MAPKBP1: variants seen among roughly 807,000 people sequenced by gnomAD.
MAPKBP1 encodes mitogen-activated protein kinase-binding protein 1.
MAPKBP1 carries 71 observed loss-of-function variants against 170.5 expected under a neutral mutation model. That is an observed-to-expected ratio of 0.42 (90% CI 0.34 to 0.51). MAPKBP1 has a LOEUF of 0.51. Among genes scored for constraint, MAPKBP1 ranks in the 20% least tolerant of loss-of-function variants. The probability of loss-of-function intolerance (pLI) is 0.06; values close to 1 mark genes in which losing one functional copy is unlikely to be tolerated. For synonymous variants in MAPKBP1, 719 were observed against 757.9 expected (o/e 0.95, Z 0.84); for missense variants, 1,598 against 1,933.0 (o/e 0.83, Z 3.25).
At chr15:41,786,777 A>AAAAAAAAAAATATATAT in intron 2 of MAPKBP1, among the ~76,000 whole-genome samples, 9 of 32,452 alleles carry the variant, frequency 2.8e-4, no homozygotes, top group Admixed American at 1.2e-3. Flanking sequence ...AAAAAAAAAA[A>AAAAAAAAAAATATATAT]ATATATATAT....
chr15:41,777,047 G>A (rs1265575996), intron 2 of MAPKBP1, among the ~76,000 whole-genome samples: 1 of 152,124 alleles, frequency 6.6e-6, no homozygotes, highest in Non-Finnish European at 1.5e-5. Context: ...AGAGGAATTA[G>A]GAAAGGCTTC....
intron 3 of MAPKBP1, 122 bp from the exon 4 acceptor site, chr15:41,810,761 G>A (rs989806856): frequency 4.5e-6 from 3 of 664,534 alleles, no homozygotes; most frequent in African/African-American, 3.6e-5. Flanking sequence ...AAACAGTGGA[G>A]CCCTTCTGAG....
At position 41,814,694 on chromosome 15, in the gene MAPKBP1, G is replaced by A; in HGVS notation, c.1125G>A (p.Lys375=). Reference sequence around the variant, plus strand: ...TGAGGGACCCCAAGAAAGTGGGCAAGGTGTACTCGGCTCTGTATCATTCTT... The same window carrying A: ...TGAGGGACCCCAAGAAAGTGGGCAAAGTGTACTCGGCTCTGTATCATTCTT... ...WDVRDPKKVG[K]VYSALYHSSC... Residue 375 remains lysine, a synonymous_variant, in exon 10 of 31, where the codon AAG becomes AAA. Coordinates refer to ENST00000457542, the MANE Select transcript of MAPKBP1 (RefSeq NM_014994.3). The A allele has an allele frequency of 6.2e-7, 1 of 1,614,242 alleles. No homozygotes were observed. Among genetic ancestry groups the A allele is most frequent in the Non-Finnish European group, 8.5e-7 (1 of 1,180,044 alleles).
intron 2 of MAPKBP1, among the ~76,000 whole-genome samples, chr15:41,780,254 C>A (rs2064162884): frequency 6.6e-6 from 1 of 152,166 alleles, no homozygotes; most frequent in African/African-American, 2.4e-5. Flanking sequence ...GAATGTCTTT[C>A]ATTTGTCACC....
At chr15:41,823,403 C>A (rs1424902135) in intron 28 of MAPKBP1, 44 bp from the exon 29 acceptor site, 1 of 1,572,656 alleles carries the variant, frequency 6.4e-7, no homozygotes, top group Non-Finnish European at 8.6e-7. Flanking sequence ...CCTGGGATGC[C>A]TTCCTCAACA....
intron 2 of MAPKBP1, among the ~76,000 whole-genome samples, chr15:41,797,340 C>T (rs1007745620): frequency 1.3e-5 from 2 of 152,192 alleles, no homozygotes; most frequent in African/African-American, 4.8e-5. Flanking sequence ...TTGAGCAGCC[C>T]TTTAGCTTAC....
chr15:41,774,924 GC>G (rs1201071289), intron 1 of MAPKBP1: 1 of 472,980 alleles, frequency 2.1e-6, no homozygotes, highest in Non-Finnish European at 3.7e-6. Flanking sequence ...ACCAACTGGG[GC>G]CCATCCCATC....
chr15:41,792,384 A>G (rs903566708), intron 2 of MAPKBP1, among the ~76,000 whole-genome samples: 4 of 152,112 alleles, frequency 2.6e-5, no homozygotes, highest in African/African-American at 9.7e-5. Context: ...TTCTGCCTCC[A>G]GTAGCCTTGC....
chr15:41,823,888 C>T lies in MAPKBP1; in HGVS notation c.4040C>T (p.Pro1347Leu). The change falls in exon 29 of 31, where the codon CCC (proline) becomes CTC (leucine). Residue 1347 changes from proline to leucine, a missense_variant. Physicochemically the swap from Pro to Leu is moderately conservative, Grantham distance 98 (BLOSUM62 -3). Around this residue, in one of 6 missense-constraint regions of MAPKBP1, gnomAD observed 942 missense variants for 953.2 expected, o/e 0.99. Transcript: ENST00000457542. ...RWACLGEGTT[P>L]KPRTECQAHP... ...GCCTGTTTGGGGGAGGGCACCACTC[C>T]CAAGCCTAGGACAGAGTGCCAGGCT... The T allele has an allele frequency of 6.2e-7, 1 of 1,614,198 alleles. No individual in the cohort carries two copies.
At chr15:41,777,092 C>T (rs996914165) in intron 2 of MAPKBP1, among the ~76,000 whole-genome samples, 2 of 152,092 alleles carry the variant, frequency 1.3e-5, no homozygotes, top group Non-Finnish European at 2.9e-5. Flanking sequence ...CCTGTAATCC[C>T]AGCACTTTGG....
rs1207548522 is a variant in MAPKBP1, at chr15:41,813,092, G to A, written c.810G>A (p.Val270=). The A allele has an allele frequency of 6.2e-7, 1 of 1,603,468 alleles. No homozygotes were observed. The highest frequency in any genetic ancestry group is 8.5e-7 in the Non-Finnish European group (1 of 1,174,690). ...FSDRRLLDKW[V]ELRTTVAHCI... ...ATCGAAGGCTTTTGGACAAGTGGGT[G>A]GAGCTGAGGGTAAGTACCTCCGTCC... is the stretch of plus-strand genomic sequence containing the variant. The change falls in exon 8 of 31, where the codon GTG becomes GTA. Residue 270 remains valine (V), a synonymous_variant. Transcript: ENST00000457542.
chr15:41,813,211 C>A, intron 8 of MAPKBP1, 110 bp downstream of exon 8: 1 of 1,523,416 alleles, frequency 6.6e-7, no homozygotes, highest in Non-Finnish European at 9.0e-7. Flanking sequence ...ACGGGAGATC[C>A]CAGGAGAACG....
rs192773889 is a variant in MAPKBP1, at chr15:41,797,346, C to G, written c.115-2477C>G. Among the ~76,000 whole-genome samples, 3 of 152,310 alleles carry G rather than the reference C, an allele frequency of 2.0e-5. No homozygotes were observed. The East Asian group carries it at 5.8e-4, about 29-fold the overall frequency. ...AAATAAGAGTTGAGCAGCCCTTTAGCTTACTACACTTGATTTTGTGGCCTC... is the reference window on the plus strand; with the variant it reads ...AAATAAGAGTTGAGCAGCCCTTTAGGTTACTACACTTGATTTTGTGGCCTC... On this transcript the variant is annotated intron_variant, in intron 2 of 30. Transcript: ENST00000457542.
chr15:41,799,492 G>A (rs568442786), intron 2 of MAPKBP1, among the ~76,000 whole-genome samples: 44 of 152,176 alleles, frequency 2.9e-4, no homozygotes, highest in South Asian at 8.3e-4. Flanking sequence ...GGGGATCCCA[G>A]GCTCTAGCTT....
rs2065142834 is a variant in MAPKBP1 at position 41,827,771 on chromosome 15, C to T, written c.*2335C>T. 8.7e-6 allele frequency: 2 copies of T among 230,374 alleles called. No individual in the cohort carries two copies. Among genetic ancestry groups the T allele is most frequent in the East Asian group, 8.5e-5 (1 of 11,832 alleles). 14.3% of individuals were successfully genotyped at this position (230,374 alleles called of 1,614,324 possible). On this transcript the variant is annotated 3_prime_UTR_variant, in exon 31 of 31. Coordinates refer to ENST00000457542, the MANE Select transcript of MAPKBP1 (RefSeq NM_014994.3). ...GTCGCGGCGCTTCCTGCCTCATCCT[C>T]GGCTGCATGGGGCGGGGGCGCTGTT...
intron 23 of MAPKBP1, 125 bp from the exon 24 acceptor site, chr15:41,821,459 C>A: frequency 2.3e-6 from 2 of 871,984 alleles, no homozygotes; most frequent in Non-Finnish European, 3.7e-6. Context: ...ACACCGCATC[C>A]TTACTCACCT....
At position 41,817,111 on chromosome 15, in the gene MAPKBP1, G is replaced by T. The variant is rs2064905025; in HGVS notation, c.1711+76G>T. On this transcript the variant is annotated intron_variant, in intron 14 of 30. Coordinates refer to ENST00000457542, the MANE Select transcript of MAPKBP1 (RefSeq NM_014994.3). The surrounding 1 kb of genome is among the most constrained non-coding windows in gnomAD (Gnocchi z 4.2). ...ATCTGCCTCCCACCTCCATGAGAAG[G>T]GTCTGCCCATTGTGGGGGAGTGTTG... is the stretch of plus-strand genomic sequence containing the variant. The T allele has an allele frequency of 3.3e-6, 5 of 1,527,194 alleles. No individual in the cohort carries two copies. In the Admixed American group the frequency reaches 1.0e-4, roughly 31 times the overall value. The allele number at this position is 1,527,194 out of a possible 1,614,324, so 94.6% of individuals were successfully genotyped here.
At chr15:41,813,153 G>A (rs1298575761) in intron 8 of MAPKBP1, 52 bp downstream of exon 8, 3 of 1,563,806 alleles carry the variant, frequency 1.9e-6, no homozygotes, top group South Asian at 2.5e-5. Flanking sequence ...CAGCTCAGGG[G>A]AGAACTAGTG....
At chr15:41,805,546 G>T (rs988049160) in intron 3 of MAPKBP1, among the ~76,000 whole-genome samples, 1 of 152,240 alleles carries the variant, frequency 6.6e-6, no homozygotes, top group Non-Finnish European at 1.5e-5. Context: ...AGGTGACGGG[G>T]TGTATCTGGC....
Sources: allele counts gnomAD v4.1 joint callset (sites outside exome capture counted in the v4.1 genomes callset), GRCh38; gene constraint gnomAD v4.1.1; regional missense constraint gnomAD v4.1.1; non-coding constraint Gnocchi (gnomAD v3.1); transcripts MANE v1.5; gene names NCBI Gene and HGNC (gene_info 2026-07-23, HGNC 2026-07-21).